Variants in PTPRD observed in about 807,000 individuals in gnomAD.
PTPRD encodes the protein protein tyrosine phosphatase receptor type D, also known as receptor-type tyrosine-protein phosphatase delta.
Under a neutral mutation model 214.5 loss-of-function variants are expected in PTPRD, and 34 were observed. The observed-to-expected ratio is 0.16, with a 90% CI of 0.12 to 0.21. The LOEUF (loss-of-function observed/expected upper bound fraction) is 0.21. Among genes scored for constraint, PTPRD ranks in the 10% least tolerant of loss-of-function variants. The pLI is 1.00. For missense variants in PTPRD, 2,545 were observed against 2,398.7 expected, an observed-to-expected ratio of 1.06 and a Z score of -1.27; for synonymous variants, 1,128 against 845.7, an observed-to-expected ratio of 1.33 and a Z score of -5.79.
chr9:9,260,562 T>G (rs1303802143), intron 9 of PTPRD, among the ~76,000 whole-genome samples: 1 of 151,854 alleles, frequency 6.6e-6, no homozygotes, highest in African/African-American at 2.4e-5. Context: ...CCTCTCAATT[T>G]TCTCATTTTC....
chr9:8,443,691 G>C (rs2133064133), intron 34 of PTPRD, among the ~76,000 whole-genome samples: 1 of 152,278 alleles, frequency 6.6e-6, no homozygotes, highest in South Asian at 2.1e-4. Context: ...TTTTGGGCCA[G>C]GGAGGAGGTA....
intron 35 of PTPRD, among the ~76,000 whole-genome samples, chr9:8,425,905 G>A (rs1415082853): frequency 2.0e-5 from 3 of 152,126 alleles, no homozygotes; most frequent in Non-Finnish European, 4.4e-5. Flanking sequence ...ATATTTTAAT[G>A]TGGATATAAT....
At chr9:9,355,530 G>A (rs2053430094) in intron 9 of PTPRD, among the ~76,000 whole-genome samples, 1 of 151,628 alleles carries the variant, frequency 6.6e-6, no homozygotes, top group African/African-American at 2.4e-5. Context: ...ACAAGGAGTT[G>A]CTATCATTTG....
chr9:8,595,504 T>C (rs2094432745), intron 14 of PTPRD, among the ~76,000 whole-genome samples: 1 of 152,148 alleles, frequency 6.6e-6, no homozygotes, highest in Non-Finnish European at 1.5e-5. Flanking sequence ...TGTACACACA[T>C]GTAGACTTTA....
intron 2 of PTPRD, among the ~76,000 whole-genome samples, chr9:10,439,348 G>C (rs186960671): frequency 2.2e-4 from 34 of 151,870 alleles, no homozygotes; most frequent in East Asian, 2.1e-3. Flanking sequence ...GTCATGGCCA[G>C]CTGTGAAAAA....
intron 9 of PTPRD, among the ~76,000 whole-genome samples, chr9:9,320,919 A>C (rs1469568785): frequency 6.6e-6 from 1 of 152,128 alleles, no homozygotes; most frequent in African/African-American, 2.4e-5. Flanking sequence ...TTGTCCTCTA[A>C]ATTACCTAAA....
chr9:9,577,577 T>A (rs928529821), intron 7 of PTPRD, among the ~76,000 whole-genome samples: 3 of 151,514 alleles, frequency 2.0e-5, no homozygotes, highest in South Asian at 2.1e-4. Context: ...AATAAATAAA[T>A]AAAAATAAAT....
At chr9:9,460,186 C>G (rs372399680) in intron 8 of PTPRD, among the ~76,000 whole-genome samples, 16 of 151,932 alleles carry the variant, frequency 1.1e-4, no homozygotes, top group Admixed American at 9.2e-4. Flanking sequence ...GATATAAAAA[C>G]TAGCTCAAGA....
At position 10,208,241 on chromosome 9, in the gene PTPRD, G is replaced by A. The variant is rs546440663; in HGVS notation, c.-545+132722C>T. On this transcript the variant is annotated intron_variant, in intron 3 of 45. Coordinates refer to ENST00000381196, the MANE Select transcript of PTPRD (RefSeq NM_002839.4). ...TATAAGACTGAAACCGCGGCGGGGC[G>A]CGGTGGCTCAGGCCCGTAATCCCAG... 1.1e-4 allele frequency among the ~76,000 whole-genome samples: 16 copies of A among 152,326 alleles called. No homozygotes were observed. The East Asian group carries it at 2.3e-3, about 22-fold the overall frequency.
At chr9:9,082,692 C>T (rs1228850411) in intron 10 of PTPRD, among the ~76,000 whole-genome samples, 1 of 152,128 alleles carries the variant, frequency 6.6e-6, no homozygotes, top group Non-Finnish European at 1.5e-5. Flanking sequence ...TGAGAAGCAA[C>T]TTCAGCAAAG....
chr9:10,480,293 C>CGAT (rs2099089456), intron 2 of PTPRD, among the ~76,000 whole-genome samples: 1 of 152,166 alleles, frequency 6.6e-6, no homozygotes, highest in Non-Finnish European at 1.5e-5. Context: ...AAGTTCTATC[C>CGAT]ATTCTCTACC....
At chr9:9,261,231 T>C (rs893861579) in intron 9 of PTPRD, among the ~76,000 whole-genome samples, 2 of 151,868 alleles carry the variant, frequency 1.3e-5, no homozygotes, top group African/African-American at 4.8e-5. Flanking sequence ...ATATGCAAAA[T>C]GAAGTGTCAA....
intron 8 of PTPRD, among the ~76,000 whole-genome samples, chr9:9,528,938 C>CTT (rs112564567): frequency 1.4e-4 from 19 of 136,698 alleles, no homozygotes; most frequent in East Asian, 4.3e-4. Context: ...TTGTTTGTTT[C>CTT]TTTTTTTTTT....
At position 8,461,233 on chromosome 9, in the gene PTPRD, T is replaced by C. The variant is rs189681338; in HGVS notation, c.3715-662A>G. 2.0e-5 allele frequency among the ~76,000 whole-genome samples: 3 copies of C among 152,160 alleles called. 1 individual carries two copies. The highest frequency in any genetic ancestry group is 2.0e-4 in the Admixed American group (3 of 15,258). On this transcript the variant is annotated intron_variant, in intron 32 of 45. Transcript: ENST00000381196. ...TGCGAGATGTACAGAATTGATGATA[T>C]GGCTTTATAAAATATAGAATTTTTA...
chr9:10,155,769 C>A (rs947887160), intron 3 of PTPRD, among the ~76,000 whole-genome samples: 1 of 152,178 alleles, frequency 6.6e-6, no homozygotes, highest in Non-Finnish European at 1.5e-5. Flanking sequence ...TATATTGAAC[C>A]AATCTTGCAT....
chr9:9,519,926 T>C (rs1021304378), intron 8 of PTPRD, among the ~76,000 whole-genome samples: 2 of 152,104 alleles, frequency 1.3e-5, no homozygotes, highest in African/African-American at 4.8e-5. Context: ...ATAAAGTTAC[T>C]GTCATGAAGA....
chr9:10,058,850 T>G (rs1218757899), intron 3 of PTPRD, among the ~76,000 whole-genome samples: 1 of 152,142 alleles, frequency 6.6e-6, no homozygotes, highest in Non-Finnish European at 1.5e-5. Flanking sequence ...TTGTAAATAT[T>G]TAACATGCCT....
At chr9:9,257,700 G>C (rs1474184414) in intron 9 of PTPRD, among the ~76,000 whole-genome samples, 1 of 151,812 alleles carries the variant, frequency 6.6e-6, no homozygotes, top group Non-Finnish European at 1.5e-5. Flanking sequence ...GGGAGGATTG[G>C]TTAAGCCCAG....
intron 2 of PTPRD, among the ~76,000 whole-genome samples, chr9:10,595,452 G>C (rs62535918): frequency 0.15 from 22,141 of 151,522 alleles, 1,811 homozygotes; most frequent in Non-Finnish European, 0.19. Flanking sequence ...TCTGCAAAGG[G>C]AAGCAAAGTA....
Sources: allele counts gnomAD v4.1 joint callset (sites outside exome capture counted in the v4.1 genomes callset), GRCh38; gene constraint gnomAD v4.1.1; transcripts MANE v1.5; gene names NCBI Gene and HGNC (gene_info 2026-07-23, HGNC 2026-07-21).